PCNX3: variants seen among roughly 807,000 people sequenced by gnomAD.
PCNX3 encodes the protein pecanex 3, also known as pecanex-like protein 3.
A neutral mutation model predicts 207.2 loss-of-function variants in PCNX3; 58 were observed. That is an observed-to-expected ratio of 0.28 (90% CI 0.23 to 0.35). PCNX3 has a LOEUF of 0.35. PCNX3 is among the 10% of genes least tolerant of loss of function. PCNX3 has a pLI of 1.00. For missense variants in PCNX3, 2,410 were observed against 2,774.4 expected, an observed-to-expected ratio of 0.87 and a Z score of 2.95; for synonymous variants, 1,337 against 1,183.5, an observed-to-expected ratio of 1.13 and a Z score of -2.66.
intron 10 of PCNX3, 133 bp from the exon 11 acceptor site, chr11:65,622,112 G>A: frequency 1.4e-6 from 2 of 1,426,686 alleles, no homozygotes; most frequent in Non-Finnish European, 1.8e-6. Context: ...ATGTGCTGAT[G>A]GAAATGGTCA....
chr11:65,623,096 C>T (rs753356831), intron 11 of PCNX3, among the ~76,000 whole-genome samples: 5 of 152,212 alleles, frequency 3.3e-5, no homozygotes, highest in Non-Finnish European at 5.9e-5. Flanking sequence ...TGTGGCTTCC[C>T]GTCCATCTGG....
chr11:65,636,131 A>G, intron 32 of PCNX3, 43 bp from the exon 33 acceptor site: 1 of 1,572,460 alleles, frequency 6.4e-7, no homozygotes, highest in Non-Finnish European at 8.6e-7. Flanking sequence ...CTCTGGCCTC[A>G]GCCGTGTCCC....
At chr11:65,631,346 T>C (rs1855609048) in intron 27 of PCNX3, among the ~76,000 whole-genome samples, 1 of 152,124 alleles carries the variant, frequency 6.6e-6, no homozygotes, top group South Asian at 2.1e-4. Context: ...TTATTGCAGT[T>C]CTCTGAGATG....
intron 27 of PCNX3, among the ~76,000 whole-genome samples, chr11:65,631,143 G>T (rs1017065265): frequency 2.6e-5 from 4 of 152,124 alleles, no homozygotes; most frequent in Non-Finnish European, 5.9e-5. Context: ...ACCCAGGCTG[G>T]CCCTGAGCCA....
chr11:65,634,758 G>A (rs889722072), intron 29 of PCNX3, 117 bp downstream of exon 29: 9 of 1,196,676 alleles, frequency 7.5e-6, no homozygotes, highest in Admixed American at 4.7e-5. Context: ...CTTCCTGTTG[G>A]GGTACCTCTT....
In PCNX3 at chr11:65,620,908, C is replaced by T. The variant is rs868070397; in HGVS notation, c.2177C>T (p.Pro726Leu). 8 of 1,565,204 alleles carry T rather than the reference C, an allele frequency of 5.1e-6. No individual in the cohort carries two copies. Among genetic ancestry groups the T allele is most frequent in the African/African-American group, 1.4e-5 (1 of 73,492 alleles). The change falls in exon 10 of 35, where the codon CCG becomes CTG. Residue 726 changes from proline to leucine, a missense_variant. By Grantham distance (98) the Pro-to-Leu change is moderately conservative (BLOSUM62 -3). Transcript: ENST00000355703. The stretch of plus-strand genomic sequence containing the variant: ...ACAGGCGGCCTGAACCTGCTGCAGC[C>T]GAGGCCTGTGGTTCTGCAGGGCATG... Reference protein sequence around the residue: ...EATGGLNLLQPRPVVLQGMQV... With the variant: ...EATGGLNLLQLRPVVLQGMQV...
chr11:65,627,949 G>C (rs1199480468), intron 22 of PCNX3, among the ~76,000 whole-genome samples: 1 of 152,216 alleles, frequency 6.6e-6, no homozygotes, highest in Non-Finnish European at 1.5e-5. Flanking sequence ...ATCCAGAGCA[G>C]TCCGAGCTGA....
rs769231208 is a variant in PCNX3 at position 65,634,962 on chromosome 11, C to T, written c.4806-11C>T. On this transcript the variant is annotated splice_polypyrimidine_tract_variant and intron_variant, in intron 29 of 34. Coordinates refer to ENST00000355703, the MANE Select transcript of PCNX3 (RefSeq NM_032223.4). ...CCCCTCTCTCCCCTCCCTGTTTTTC[C>T]TCCCACTTAGCCTGGAGCCCTTCCT... The T allele has an allele frequency of 2.5e-6, 4 of 1,605,622 alleles. 1 individual carries two copies. The highest frequency in any genetic ancestry group is 1.1e-5 in the South Asian group (1 of 90,580).
intron 27 of PCNX3, among the ~76,000 whole-genome samples, chr11:65,633,500 G>C (rs934408898): frequency 2.0e-5 from 3 of 152,194 alleles, no homozygotes; most frequent in African/African-American, 7.2e-5. Context: ...GAAGGTCCGG[G>C]GTTCAGGCGG....
intron 11 of PCNX3, among the ~76,000 whole-genome samples, chr11:65,622,668 T>C (rs1420391899): frequency 1.3e-5 from 2 of 152,170 alleles, no homozygotes; most frequent in Non-Finnish European, 2.9e-5. Context: ...TGATCTCGGC[T>C]CACTGCAAGC....
In PCNX3 at chr11:65,617,339, A is replaced by C. The variant is rs200883423; in HGVS notation, c.431A>C (p.Asn144Thr). ...CSSQHSVFGF[N>T]QVSELLPRME... is the part of the protein sequence containing the mutation. ...TCCCAGCACTCTGTGTTTGGCTTCA[A>C]CCAGGTCTCGGTGAGTGGGCCTGGA... The change falls in exon 3 of 35, where the codon AAC becomes ACC. Residue 144 changes from asparagine to threonine, a missense_variant. Asn to Thr is a moderately conservative substitution (Grantham distance 65, BLOSUM62 0). Around this residue, in one of 8 missense-constraint regions of PCNX3, gnomAD observed 1,104 missense variants for 970.3 expected, o/e 1.14. Transcript: ENST00000355703. 2 of 1,611,268 alleles carry C rather than the reference A, an allele frequency of 1.2e-6. No individual in the cohort carries two copies. The highest frequency in any genetic ancestry group is 1.7e-6 in the Non-Finnish European group (2 of 1,179,108).
intron 9 of PCNX3, 26 bp from the exon 10 acceptor site, chr11:65,620,805 G>T (rs757453507): frequency 1.9e-6 from 3 of 1,589,890 alleles, no homozygotes; most frequent in Non-Finnish European, 1.7e-6. Context: ...CCCGTGGGGG[G>T]ATCCTGATGG....
chr11:65,624,910 CT>C lies in PCNX3; in HGVS notation c.2828-14del. ...TGCAAGTGAGAGCTGGGCTGTACTT[CT>C]CCCTTCCACACAGCTGCCACCAGCC... On this transcript the variant is annotated splice_polypyrimidine_tract_variant and intron_variant, in intron 15 of 34. Transcript: ENST00000355703. 6.2e-7 allele frequency: 1 copy of C among 1,601,428 alleles called. No homozygotes were observed. The highest frequency in any genetic ancestry group is 1.7e-5 in the Admixed American group (1 of 59,010).
At chr11:65,628,211 G>A (rs1329783180) in intron 22 of PCNX3, among the ~76,000 whole-genome samples, 1 of 152,232 alleles carries the variant, frequency 6.6e-6, no homozygotes, top group Non-Finnish European at 1.5e-5. Flanking sequence ...GCCTGTGGCT[G>A]TTCTCAATTT....
Position 65,635,419 on chromosome 11 carries a change from C to A in PCNX3, c.5155C>A (p.Arg1719=). 1 of 1,611,686 alleles carries A rather than the reference C, an allele frequency of 6.2e-7. No individual in the cohort carries two copies. The highest frequency in any genetic ancestry group is 1.3e-5 in the African/African-American group (1 of 75,000). The change falls in exon 31 of 35, where the codon CGG becomes AGG. Residue 1719 remains arginine, a synonymous_variant. Transcript: ENST00000355703. The surrounding 1 kb of genome is among the most constrained non-coding windows in gnomAD (Gnocchi z 9.9). ...SDEYKIIMLN[R]RHLSFRVIKV... ...CGAGTACAAGATCATCATGCTCAAC[C>A]GGCGCCACCTCAGCTTCCGAGTCAT...
At chr11:65,619,135 A>C (rs754001792) in intron 6 of PCNX3, 68 bp downstream of exon 6, 1 of 1,288,792 alleles carries the variant, frequency 7.8e-7, no homozygotes, top group Admixed American at 2.0e-5. Context: ...GGCAAAGGGC[A>C]GGTAAGAATG....
Position 65,619,877 on chromosome 11 carries a change from C to T in PCNX3, c.1953C>T (p.Ala651=), listed in dbSNP as rs1854989871. Residue 651 remains alanine, a synonymous_variant, in exon 8 of 35, where the codon GCC becomes GCT. Coordinates refer to ENST00000355703, the MANE Select transcript of PCNX3 (RefSeq NM_032223.4). ...LTRAGANVHE[A]CTFDDTSEGA... is the part of the protein sequence containing the mutation. ...GGGCCGGTGCCAATGTGCATGAGGC[C>T]TGCACCTTTGATGACACTTCTGAGG... 1 of 1,611,784 alleles carries T rather than the reference C, an allele frequency of 6.2e-7. No individual in the cohort carries two copies. Among genetic ancestry groups the T allele is most frequent in the Non-Finnish European group, 8.5e-7 (1 of 1,179,646 alleles).
intron 33 of PCNX3, 32 bp from the exon 34 acceptor site, chr11:65,636,359 G>A: frequency 6.3e-7 from 1 of 1,594,690 alleles, no homozygotes; most frequent in Non-Finnish European, 8.6e-7. Context: ...CAGCCCAGCT[G>A]AGGCCTCTGC....
At position 65,616,482 on chromosome 11, in the gene PCNX3, C is replaced by G. The variant is rs1223064009; in HGVS notation, c.153+18C>G. 2 of 1,593,798 alleles carry G rather than the reference C, an allele frequency of 1.3e-6. No homozygotes were observed. ...TGTACATGGTGAGACGCCACGGCCA[C>G]CTGTAACTCCAGCCGGGAGAGGGAG... On this transcript the variant is annotated intron_variant, in intron 1 of 34. Coordinates refer to ENST00000355703, the MANE Select transcript of PCNX3 (RefSeq NM_032223.4).
Sources: gnomAD v4.1 joint callset for allele counts (sites outside exome capture counted in the v4.1 genomes callset) on GRCh38, gnomAD v4.1.1 for gene constraint, gnomAD v4.1.1 regional missense constraint, Gnocchi (gnomAD v3.1) non-coding constraint, MANE v1.5 for transcripts, NCBI Gene and HGNC (gene_info 2026-07-23, HGNC 2026-07-21) for gene names.